Variants in PIK3AP1 observed in about 807,000 individuals in gnomAD.
PIK3AP1 encodes phosphoinositide 3-kinase adapter protein 1.
In PIK3AP1, 21 loss-of-function variants were observed where a neutral mutation model predicts 88.1. The observed-to-expected ratio is 0.24, with a 90% CI of 0.17 to 0.34. The LOEUF is 0.34. Among genes scored for constraint, PIK3AP1 ranks in the 10% least tolerant of loss-of-function variants. The pLI, the probability that PIK3AP1 is intolerant of heterozygous loss-of-function variation, is 1.00. For missense variants in PIK3AP1, 828 were observed against 1,035.7 expected, an observed-to-expected ratio of 0.80 and a Z score of 2.75; for synonymous variants, 398 against 400.0, an observed-to-expected ratio of 1.00 and a Z score of 0.06.
intron 8 of PIK3AP1, among the ~76,000 whole-genome samples, chr10:96,631,827 G>A (rs1843248386): frequency 6.6e-6 from 1 of 151,924 alleles, no homozygotes; most frequent in Non-Finnish European, 1.5e-5. Flanking sequence ...AGGCTGCAGT[G>A]AGCTGGGATT....
chr10:96,619,432 C>T, intron 12 of PIK3AP1: 1 of 152,456 alleles, frequency 6.6e-6, no homozygotes, highest in Non-Finnish European at 1.5e-5. Context: ...TGAGGGTAAG[C>T]AGGGTCGGGC....
chr10:96,636,142 G>A (rs925007615), intron 8 of PIK3AP1, among the ~76,000 whole-genome samples: 5 of 151,586 alleles, frequency 3.3e-5, no homozygotes, highest in South Asian at 4.2e-4. Context: ...GCTTGAACCC[G>A]GGAGGCAGAG....
At chr10:96,613,781 G>T (rs1021075136) in intron 13 of PIK3AP1, among the ~76,000 whole-genome samples, 4 of 152,176 alleles carry the variant, frequency 2.6e-5, no homozygotes, top group Admixed American at 2.6e-4. Context: ...ACCTCAGCTG[G>T]TGTGTGGGCC....
At chr10:96,696,805 A>G (rs1844227269) in intron 2 of PIK3AP1, among the ~76,000 whole-genome samples, 1 of 152,248 alleles carries the variant, frequency 6.6e-6, no homozygotes, top group Non-Finnish European at 1.5e-5. Flanking sequence ...TAATGCATTT[A>G]AAGTTTCATT....
chr10:96,720,415 T>A lies in PIK3AP1; in HGVS notation c.-21A>T, dbSNP rs1844556244. 1.6e-6 allele frequency: 2 copies of A among 1,235,008 alleles called. No homozygotes were observed. Among genetic ancestry groups the A allele is most frequent in the Non-Finnish European group, 2.0e-6 (2 of 985,752 alleles). The allele number at this position is 1,235,008 out of a possible 1,614,324, so 76.5% of individuals were successfully genotyped here. A position where few individuals can be genotyped will look rare whatever the true frequency, so the allele number is the denominator to read the frequency against. ...GCCATGCCGCGGGGCGCCGCTCACA[T>A]CCCTGGCTCGCTGCGTGCCCGGGGC... On this transcript the variant is annotated 5_prime_UTR_variant, in exon 1 of 17. The change abolishes an upstream ATG in the 5' untranslated region. Coordinates refer to ENST00000339364, the MANE Select transcript of PIK3AP1 (RefSeq NM_152309.3). The surrounding 1 kb of genome is among the most constrained non-coding windows in gnomAD (Gnocchi z 4.6).
intron 15 of PIK3AP1, among the ~76,000 whole-genome samples, chr10:96,603,458 T>C (rs1020767275): frequency 3.9e-5 from 6 of 152,298 alleles, no homozygotes; most frequent in Middle Eastern, 3.4e-3. Context: ...TCTAGTCAGC[T>C]GCCAGCCAAT....
chr10:96,649,121 A>G (rs1843501485), intron 6 of PIK3AP1, among the ~76,000 whole-genome samples: 1 of 152,120 alleles, frequency 6.6e-6, no homozygotes, highest in African/African-American at 2.4e-5. Context: ...ATCTTGGCTC[A>G]CTGCAACCTC....
chr10:96,689,180 A>C (rs1203139150), intron 2 of PIK3AP1, among the ~76,000 whole-genome samples: 1 of 152,088 alleles, frequency 6.6e-6, no homozygotes, highest in African/African-American at 2.4e-5. Flanking sequence ...ATGCAAACGC[A>C]TCCTGTGCTT....
chr10:96,640,472 C>A (rs1448106130), intron 8 of PIK3AP1, among the ~76,000 whole-genome samples: 1 of 152,140 alleles, frequency 6.6e-6, no homozygotes. Context: ...CCAGGACTAC[C>A]ATATCATTCT....
intron 2 of PIK3AP1, among the ~76,000 whole-genome samples, chr10:96,699,286 G>A (rs976195685): frequency 6.6e-5 from 10 of 152,112 alleles, no homozygotes; most frequent in Admixed American, 1.3e-4. Context: ...GGCAGTCACT[G>A]GCTACATATG....
At chr10:96,678,000 A>G (rs953218154) in intron 2 of PIK3AP1, among the ~76,000 whole-genome samples, 3 of 152,132 alleles carry the variant, frequency 2.0e-5, no homozygotes, top group East Asian at 1.9e-4. Flanking sequence ...TGCTTGCTCT[A>G]TTGCCAAAAC....
chr10:96,680,080 G>C (rs937933947), intron 2 of PIK3AP1, among the ~76,000 whole-genome samples: 12 of 152,130 alleles, frequency 7.9e-5, no homozygotes, highest in Non-Finnish European at 2.9e-5. Flanking sequence ...TCAGAACACA[G>C]CCTCAGCCCT....
At position 96,686,161 on chromosome 10, in the gene PIK3AP1, T is replaced by A. The variant is rs151103158; in HGVS notation, c.430+23406A>T. On this transcript the variant is annotated intron_variant, in intron 2 of 16. Coordinates refer to ENST00000339364, the MANE Select transcript of PIK3AP1 (RefSeq NM_152309.3). Reference sequence around the variant, plus strand: ...TGTAGGCAGTCAACGCATATTTTTGTCAGATAATGACTATCACCCTAACCA... The same window carrying A: ...TGTAGGCAGTCAACGCATATTTTTGACAGATAATGACTATCACCCTAACCA... Among the ~76,000 whole-genome samples, 383 of 152,318 alleles carry A rather than the reference T, an allele frequency of 2.5e-3. 1 individual carries two copies. The highest frequency in any genetic ancestry group is 8.9e-3 in the African/African-American group (368 of 41,580).
chr10:96,626,884 T>A lies in PIK3AP1; in HGVS notation c.1493A>T (p.Asn498Ile). The change falls in exon 10 of 17, where the codon AAT (asparagine) becomes ATT (isoleucine). Residue 498 changes from asparagine (N) to isoleucine (I), a missense_variant. Around this residue, in one of 3 missense-constraint regions of PIK3AP1, gnomAD observed 610 missense variants for 760.1 expected, o/e 0.80. Coordinates refer to ENST00000339364, the MANE Select transcript of PIK3AP1 (RefSeq NM_152309.3). ...FLEGNSMGMT[N>I]LERDQCHLGQ... ...AAGATGGCACTGATCTCTCTCCAGA[T>A]TGGTCATTCCCATGCTGTTGCCTAG... is the stretch of plus-strand genomic sequence containing the variant. 1 of 1,614,158 alleles carries A rather than the reference T, an allele frequency of 6.2e-7. No homozygotes were observed. Among genetic ancestry groups the A allele is most frequent in the Admixed American group, 1.7e-5 (1 of 60,028 alleles).
chr10:96,624,813 TC>T lies in PIK3AP1; in HGVS notation c.1670-1277del, dbSNP rs1431044161. 2.0e-5 allele frequency among the ~76,000 whole-genome samples: 3 copies of T among 152,216 alleles called. No individual in the cohort carries two copies. The East Asian group carries it at 5.8e-4, about 29-fold the overall frequency. On this transcript the variant is annotated intron_variant, in intron 10 of 16. Coordinates refer to ENST00000339364, the MANE Select transcript of PIK3AP1 (RefSeq NM_152309.3). ...CTGCCTCTCTCCTTTCCTTCGCTTC[TC>T]CACAGTTTCCTAGCAAGTCCATCAG...
At chr10:96,703,085 C>T (rs1197404499) in intron 2 of PIK3AP1, among the ~76,000 whole-genome samples, 1 of 152,160 alleles carries the variant, frequency 6.6e-6, no homozygotes, top group Non-Finnish European at 1.5e-5. Context: ...ACCACATTGC[C>T]CAGGCTGGTC....
chr10:96,612,705 C>A lies in PIK3AP1; in HGVS notation c.2015-2838G>T, dbSNP rs146156910. Among the ~76,000 whole-genome samples, 11 of 151,974 alleles carry A rather than the reference C, an allele frequency of 7.2e-5. No individual in the cohort carries two copies. In the East Asian group the frequency reaches 1.9e-3, roughly 27 times the overall value. On this transcript the variant is annotated intron_variant, in intron 13 of 16. Transcript: ENST00000339364. ...TGATGAGTGCCCCTCCCCAAGCAGG[C>A]CTCCATCAAAGGCTGATGGGGGCTG...
chr10:96,710,050 G>C, intron 1 of PIK3AP1, 67 bp from the exon 2 acceptor site: 1 of 1,477,384 alleles, frequency 6.8e-7, no homozygotes, highest in Non-Finnish European at 9.1e-7. Context: ...CCCACAGCCT[G>C]CAAAGGTAGA....
chr10:96,647,526 T>G (rs1843476099), intron 7 of PIK3AP1, among the ~76,000 whole-genome samples: 1 of 152,112 alleles, frequency 6.6e-6, no homozygotes. Context: ...AAGAAAAAAC[T>G]GAGTAAATAC....
Sources: allele counts gnomAD v4.1 joint callset (sites outside exome capture counted in the v4.1 genomes callset), GRCh38; gene constraint gnomAD v4.1.1; regional missense constraint gnomAD v4.1.1; non-coding constraint Gnocchi (gnomAD v3.1); transcripts MANE v1.5; gene names NCBI Gene and HGNC (gene_info 2026-07-23, HGNC 2026-07-21).